PRRC2B: variants seen among roughly 807,000 people sequenced by gnomAD.
PRRC2B encodes the protein proline rich coiled-coil 2B.
In PRRC2B, 68 loss-of-function variants were observed where a neutral mutation model predicts 242.3. The observed-to-expected ratio is 0.28, with a 90% CI of 0.23 to 0.34. PRRC2B has a LOEUF of 0.34. PRRC2B is among the 10% of genes least tolerant of loss of function. The pLI is 1.00. For synonymous variants in PRRC2B, 1,228 were observed against 1,173.6 expected, an observed-to-expected ratio of 1.05 and a Z score of -0.95; for missense variants, 2,835 against 2,954.8, an observed-to-expected ratio of 0.96 and a Z score of 0.94.
intron 30 of PRRC2B, among the ~76,000 whole-genome samples, chr9:131,492,593 C>G (rs766945433): frequency 3.9e-5 from 6 of 152,182 alleles, no homozygotes; most frequent in Non-Finnish European, 8.8e-5. Flanking sequence ...AAAACAGGAC[C>G]CACTGGCCAC....
In PRRC2B at chr9:131,475,406, G is replaced by C; in HGVS notation, c.3277G>C (p.Val1093Leu). 1 of 1,579,676 alleles carries C rather than the reference G, an allele frequency of 6.3e-7. No homozygotes were observed. Among genetic ancestry groups the C allele is most frequent in the Middle Eastern group, 1.7e-4 (1 of 5,862 alleles). Residue 1093 changes from valine (V) to leucine (L), a missense_variant, in exon 16 of 32, where the codon GTC becomes CTC. Val to Leu is a conservative substitution (Grantham distance 32). Transcript: ENST00000683519. Reference protein sequence around the residue: ...GNGSGLCGGGVLGARSIYCSS... With the variant: ...GNGSGLCGGGLLGARSIYCSS... ...TGGGAGCGGCCTCTGTGGTGGGGGG[G>C]TCCTGGGGGCCCGCAGCATCTACTG...
intron 1 of PRRC2B, among the ~76,000 whole-genome samples, chr9:131,395,239 G>A (rs1837014951): frequency 6.6e-6 from 1 of 151,960 alleles, no homozygotes; most frequent in Non-Finnish European, 1.5e-5. Context: ...AAATGCCTTT[G>A]GTTTACAGGA....
intron 1 of PRRC2B, among the ~76,000 whole-genome samples, chr9:131,426,102 C>G (rs1171772468): frequency 2.0e-5 from 3 of 151,918 alleles, no homozygotes; most frequent in African/African-American, 7.2e-5. Context: ...CTTTGGGAAG[C>G]TGAGGTGGGT....
chr9:131,479,590 A>G (rs921428297), intron 19 of PRRC2B, among the ~76,000 whole-genome samples, 197 bp downstream of exon 19: 70 of 87,862 alleles, frequency 8.0e-4, no homozygotes, highest in African/African-American at 2.5e-3. Flanking sequence ...CCAAACGGAT[A>G]CACAATTTTC....
chr9:131,440,692 G>A (rs984750141), intron 5 of PRRC2B, among the ~76,000 whole-genome samples: 6 of 152,120 alleles, frequency 3.9e-5, no homozygotes, highest in Admixed American at 2.6e-4. Context: ...TAAAATTATG[G>A]TACTTTAATG....
rs560766521 is a variant in PRRC2B, at chr9:131,424,805, G to T, written c.-51-5289G>T. Among the ~76,000 whole-genome samples the T allele has an allele frequency of 9.2e-5, 14 of 152,358 alleles. 1 individual carries two copies. The South Asian group carries it at 2.9e-3, about 32-fold the overall frequency. On this transcript the variant is annotated intron_variant, in intron 1 of 31. Transcript: ENST00000683519. ...TGGCTTCACCAAGGCTCTGTGATTG[G>T]AAGGGGTGGAAAACATTTCACCTGG...
At chr9:131,424,549 G>T (rs183146582) in intron 1 of PRRC2B, among the ~76,000 whole-genome samples, 7 of 152,184 alleles carry the variant, frequency 4.6e-5, no homozygotes, top group Admixed American at 4.6e-4. Context: ...AGCTGGGCGT[G>T]GTGGCGCGCA....
intron 11 of PRRC2B, among the ~76,000 whole-genome samples, chr9:131,460,701 G>C (rs979432338): frequency 3.9e-5 from 6 of 152,136 alleles, no homozygotes; most frequent in African/African-American, 1.4e-4. Context: ...CTCTCACCTG[G>C]TTGGCCATTG....
chr9:131,483,887 C>T (rs1331647424), intron 23 of PRRC2B, among the ~76,000 whole-genome samples: 1 of 152,204 alleles, frequency 6.6e-6, no homozygotes, highest in Admixed American at 6.5e-5. Flanking sequence ...CTGTTGTGGC[C>T]ACTCGGGGCT....
chr9:131,392,007 G>A (rs1350824301), upstream of PRRC2B, among the ~76,000 whole-genome samples: 3 of 152,022 alleles, frequency 2.0e-5, no homozygotes, highest in Non-Finnish European at 2.9e-5. Flanking sequence ...TCCCAAAGTG[G>A]TGGGATTACA....
intron 2 of PRRC2B, among the ~76,000 whole-genome samples, chr9:131,431,687 C>T (rs1396507378): frequency 1.3e-5 from 2 of 151,728 alleles, no homozygotes; most frequent in Admixed American, 6.6e-5. Context: ...CCTGGGTTCA[C>T]GCCATTCTTC....
chr9:131,436,334 C>T (rs1362203027), intron 3 of PRRC2B, among the ~76,000 whole-genome samples: 1 of 152,138 alleles, frequency 6.6e-6, no homozygotes, highest in Non-Finnish European at 1.5e-5. Context: ...CACTACACTC[C>T]AGCCTGGGTG....
intron 30 of PRRC2B, among the ~76,000 whole-genome samples, chr9:131,492,769 C>T (rs147475030): frequency 1.3e-3 from 195 of 152,302 alleles, no homozygotes; most frequent in Non-Finnish European, 2.1e-3. Context: ...TGTCTGTCTC[C>T]ACCTCCAGCA....
At position 131,477,795 on chromosome 9, in the gene PRRC2B, T is replaced by G; in HGVS notation, c.4458T>G (p.Ser1486Arg). ...PGGLSGCSSG[S>R]GHSPYALERA... ...GTCTTAGTGGCTGCAGCAGTGGGAG[T>G]GGCCACTCCCCCTATGCCCTGGAGC... is the stretch of plus-strand genomic sequence containing the variant. The change falls in exon 17 of 32, where the codon AGT becomes AGG. Residue 1486 changes from serine (S) to arginine (R), a missense_variant. By Grantham distance (110) the Ser-to-Arg change is moderately radical. This residue lies in a region of PRRC2B where 1,536 missense variants were observed against 1,483.1 expected (regional missense o/e 1.04). Transcript: ENST00000683519. 2.5e-6 allele frequency: 4 copies of G among 1,611,012 alleles called. No homozygotes were observed. The highest frequency in any genetic ancestry group is 3.4e-6 in the Non-Finnish European group (4 of 1,179,032).
intron 1 of PRRC2B, among the ~76,000 whole-genome samples, chr9:131,415,053 C>A (rs186915169): frequency 6.6e-6 from 1 of 152,248 alleles, no homozygotes; most frequent in East Asian, 1.9e-4. Context: ...AGTACAGTGG[C>A]ACAATCTCGG....
intron 1 of PRRC2B, among the ~76,000 whole-genome samples, chr9:131,427,095 C>T (rs148778666): frequency 9.5e-4 from 144 of 152,344 alleles, no homozygotes; most frequent in African/African-American, 3.3e-3. Flanking sequence ...CGGCATCCAT[C>T]TTCCTGCGTT....
chr9:131,442,725 A>G (rs948856524), intron 5 of PRRC2B, among the ~76,000 whole-genome samples: 1 of 152,154 alleles, frequency 6.6e-6, no homozygotes, highest in Non-Finnish European at 1.5e-5. Context: ...ACAGGGGGCC[A>G]TTTGTTGTGT....
chr9:131,452,006 G>C (rs139145774), intron 9 of PRRC2B, among the ~76,000 whole-genome samples: 1 of 152,064 alleles, frequency 6.6e-6, no homozygotes, highest in Non-Finnish European at 1.5e-5. Context: ...TAATGTCTTT[G>C]TCAGGTTTTG....
intron 9 of PRRC2B, among the ~76,000 whole-genome samples, chr9:131,448,519 G>A (rs1838880051): frequency 9.2e-6 from 1 of 108,660 alleles, no homozygotes; most frequent in East Asian, 3.2e-4. Context: ...ACTCCAGCTT[G>A]GGCGACAGAG....
Sources: allele counts gnomAD v4.1 joint callset (sites outside exome capture counted in the v4.1 genomes callset), GRCh38; gene constraint gnomAD v4.1.1; regional missense constraint gnomAD v4.1.1; transcripts MANE v1.5; gene names NCBI Gene and HGNC (gene_info 2026-07-23, HGNC 2026-07-21).